MCTP1: variants seen among roughly 807,000 people sequenced by gnomAD.
The protein encoded by MCTP1 is multiple C2 and transmembrane domain-containing protein 1.
Under a neutral mutation model 120.6 loss-of-function variants are expected in MCTP1, and 69 were observed. That is an observed-to-expected ratio of 0.57 (90% CI 0.47 to 0.70). The LOEUF is 0.70. MCTP1 is among the 30% of genes least tolerant of loss of function. The pLI is 0.00. For missense variants in MCTP1, 1,203 were observed against 1,248.8 expected (o/e 0.96, Z 0.55); for synonymous variants, 529 against 493.1 (o/e 1.07, Z -0.96).
At chr5:95,164,876 C>T (rs552674731) in intron 1 of MCTP1, among the ~76,000 whole-genome samples, 10 of 152,180 alleles carry the variant, frequency 6.6e-5, no homozygotes, top group South Asian at 4.1e-4. Flanking sequence ...TAGTGGAAGA[C>T]GGCTTTTCTC....
At chr5:94,723,664 A>T (rs1247146546) in intron 19 of MCTP1, among the ~76,000 whole-genome samples, 1 of 151,892 alleles carries the variant, frequency 6.6e-6, no homozygotes, top group Non-Finnish European at 1.5e-5. Flanking sequence ...GCTCATTTCT[A>T]CTACATAATT....
At chr5:94,846,589 A>G (rs78640167) in intron 17 of MCTP1, among the ~76,000 whole-genome samples, 3,486 of 152,244 alleles carry the variant, frequency 0.023, 134 homozygotes, top group African/African-American at 0.08. Context: ...TTATCTGTAT[A>G]CCAAAACCCT....
chr5:95,031,167 C>A (rs940308293), intron 1 of MCTP1, among the ~76,000 whole-genome samples: 2 of 151,496 alleles, frequency 1.3e-5, no homozygotes, highest in African/African-American at 2.4e-5. Flanking sequence ...GATTTAATGG[C>A]AGTCTGAGAG....
intron 12 of MCTP1, among the ~76,000 whole-genome samples, chr5:94,876,021 G>A (rs939814765): frequency 6.6e-6 from 1 of 152,070 alleles, no homozygotes; most frequent in East Asian, 1.9e-4. Context: ...AAAATTAACA[G>A]CAATTTCAAC....
rs1334153693 is a variant in MCTP1 at position 95,149,452 on chromosome 5, C to T, written c.721-131968G>A. On this transcript the variant is annotated intron_variant, in intron 1 of 22. Coordinates refer to ENST00000515393, the MANE Select transcript of MCTP1 (RefSeq NM_024717.7). The stretch of plus-strand genomic sequence containing the variant: ...TTCCTGGGAAAATACGGAGCTGTGC[C>T]CACCCACAGATTTCAGGCAAGGACA... Among the ~76,000 whole-genome samples the T allele has an allele frequency of 2.0e-5, 3 of 151,652 alleles. No homozygotes were observed. In the East Asian group the frequency reaches 5.9e-4, roughly 30 times the overall value.
At chr5:95,262,251 A>T (rs1021723408) in intron 1 of MCTP1, among the ~76,000 whole-genome samples, 2 of 152,218 alleles carry the variant, frequency 1.3e-5, no homozygotes, top group African/African-American at 4.8e-5. Flanking sequence ...TACAATCCAC[A>T]GACACATTTT....
intron 1 of MCTP1, among the ~76,000 whole-genome samples, chr5:95,212,242 T>C (rs1174052949): frequency 1.3e-5 from 2 of 152,134 alleles, no homozygotes; most frequent in African/African-American, 2.4e-5. Context: ...CAAACACCTG[T>C]ATGCAAATAA....
At chr5:95,215,875 T>A (rs979166837) in intron 1 of MCTP1, among the ~76,000 whole-genome samples, 2 of 152,146 alleles carry the variant, frequency 1.3e-5, no homozygotes, top group Non-Finnish European at 2.9e-5. Context: ...ACAGACACTT[T>A]GACTAACATT....
chr5:95,173,871 A>C lies in MCTP1; in HGVS notation c.720+109985T>G, dbSNP rs534422726. Among the ~76,000 whole-genome samples the C allele has an allele frequency of 1.7e-3, 122 of 70,156 alleles. 1 individual carries two copies. The highest frequency in any genetic ancestry group is 7.2e-3 in the African/African-American group (119 of 16,490). The allele number at this position is 70,156 out of a possible 152,430, so 46.0% of individuals were successfully genotyped here. A position where few individuals can be genotyped will look rare whatever the true frequency, so the allele number is the denominator to read the frequency against. ...ACAATTAATTTTCTCAGAGAGAGATAAGAAACAAATCAGAGAACAAGAAAG... is the reference window on the plus strand; with the variant it reads ...ACAATTAATTTTCTCAGAGAGAGATCAGAAACAAATCAGAGAACAAGAAAG... On this transcript the variant is annotated intron_variant, in intron 1 of 22. Transcript: ENST00000515393.
chr5:94,759,839 C>T (rs1353775356), intron 19 of MCTP1, among the ~76,000 whole-genome samples: 1 of 145,864 alleles, frequency 6.9e-6, no homozygotes, highest in Non-Finnish European at 1.5e-5. Context: ...AATAAATGTA[C>T]CTAATGCAAA....
At chr5:95,243,582 T>A (rs768645088) in intron 1 of MCTP1, among the ~76,000 whole-genome samples, 3 of 152,162 alleles carry the variant, frequency 2.0e-5, no homozygotes, top group Non-Finnish European at 4.4e-5. Context: ...ATCAGTGACA[T>A]TTTAAGAAAG....
chr5:95,025,625 A>G (rs920281899), intron 1 of MCTP1, among the ~76,000 whole-genome samples: 8 of 152,154 alleles, frequency 5.3e-5, no homozygotes, highest in African/African-American at 9.7e-5. Flanking sequence ...GCAAGCCACC[A>G]TTTTTGCAGA....
chr5:95,040,447 A>C (rs1842146804), intron 1 of MCTP1, among the ~76,000 whole-genome samples: 1 of 151,892 alleles, frequency 6.6e-6, no homozygotes, highest in Non-Finnish European at 1.5e-5. Flanking sequence ...TGTCTCAAAA[A>C]AAAAAAAAAA....
chr5:95,223,462 TAAATAAAATA>T (rs779815514), intron 1 of MCTP1, among the ~76,000 whole-genome samples: 1 of 151,828 alleles, frequency 6.6e-6, no homozygotes, highest in Non-Finnish European at 1.5e-5. Flanking sequence ...AAAACATAAA[TAAATAAAATA>T]AAATAAAATA....
chr5:95,171,280 G>A (rs187353166), intron 1 of MCTP1, among the ~76,000 whole-genome samples: 18 of 152,226 alleles, frequency 1.2e-4, no homozygotes, highest in East Asian at 1.2e-3. Context: ...CGAGAGATCC[G>A]CTGTTAGTCT....
chr5:95,160,907 T>A lies in MCTP1; in HGVS notation c.720+122949A>T, dbSNP rs537840065. Among the ~76,000 whole-genome samples, 3 of 152,254 alleles carry A rather than the reference T, an allele frequency of 2.0e-5. No homozygotes were observed. In the South Asian group the frequency reaches 6.2e-4, roughly 32 times the overall value. On this transcript the variant is annotated intron_variant, in intron 1 of 22. Coordinates refer to ENST00000515393, the MANE Select transcript of MCTP1 (RefSeq NM_024717.7). ...AATTAAAGCAATACTACCTCACACC[T>A]GTTAATATTGCTATTATCAAAAAGA...
chr5:95,232,158 T>TAAAAAAA (rs35731165), intron 1 of MCTP1, among the ~76,000 whole-genome samples: 2 of 66,972 alleles, frequency 3.0e-5, no homozygotes, highest in African/African-American at 5.8e-5. Flanking sequence ...AAGTGATCAC[T>TAAAAAAA]AAAAAAAAAA....
At chr5:95,225,762 T>C (rs1388947927) in intron 1 of MCTP1, among the ~76,000 whole-genome samples, 1 of 152,122 alleles carries the variant, frequency 6.6e-6, no homozygotes, top group Non-Finnish European at 1.5e-5. Context: ...TAAGGACATT[T>C]CCCTCTCCAT....
chr5:94,712,524 C>G (rs1330988856), intron 20 of MCTP1, among the ~76,000 whole-genome samples: 1 of 151,908 alleles, frequency 6.6e-6, no homozygotes, highest in Non-Finnish European at 1.5e-5. Context: ...TTGTTCCTTA[C>G]CTTTGTGGCA....
Sources: allele counts gnomAD v4.1 joint callset (sites outside exome capture counted in the v4.1 genomes callset), GRCh38; gene constraint gnomAD v4.1.1; transcripts MANE v1.5; gene names NCBI Gene and HGNC (gene_info 2026-07-23, HGNC 2026-07-21).